Variants in CD74 observed in about 807,000 individuals in gnomAD.
CD74 encodes the protein CD74 molecule.
CD74 carries 20 observed loss-of-function variants against 37.1 expected under a neutral mutation model. That is an observed-to-expected ratio of 0.54 (90% CI 0.38 to 0.78). The LOEUF is 0.78. Ranked by LOEUF, CD74 falls within the 30% of genes least tolerant of loss-of-function variation. CD74 has a pLI of 0.00. For missense variants in CD74, 338 were observed against 389.5 expected (o/e 0.87, Z 1.11); for synonymous variants, 150 against 152.0 (o/e 0.99, Z 0.10).
Position 150,401,846 on chromosome 5 carries a change from G to A in CD74, c.*394C>T. On this transcript the variant is annotated 3_prime_UTR_variant, in exon 9 of 9. Coordinates refer to ENST00000009530, the MANE Select transcript of CD74 (RefSeq NM_001025159.3). ...GAAAAGCCAAGGCCAAAGGCTGGAG[G>A]GGAGAGGACAGTCAGCATGTCCAGC... 1.5e-6 allele frequency: 1 copy of A among 669,876 alleles called. No homozygotes were observed. The highest frequency in any genetic ancestry group is 2.2e-5 in the Admixed American group (1 of 46,052). The allele number at this position is 669,876 out of a possible 1,614,324, so 41.5% of individuals were successfully genotyped here.
chr5:150,412,695 C>A lies in CD74; in HGVS notation c.55G>T (p.Asp19Tyr). The A allele has an allele frequency of 6.2e-7, 1 of 1,614,106 alleles. No homozygotes were observed. Among genetic ancestry groups the A allele is most frequent in the South Asian group, 1.1e-5 (1 of 91,040 alleles). The change falls in exon 1 of 9, where the codon GAC becomes TAC. Residue 19 changes from aspartate (D) to tyrosine (Y), a missense_variant. By Grantham distance (160) the Asp-to-Tyr change is radical. Transcript: ENST00000009530. ...TTGTTGGAGATAAGGTCGCGCTGGT[C>A]ATCCATGACTGGCTTCTGATCTTCC... ...CREDQKPVMD[D>Y]QRDLISNNEQ...
At chr5:150,405,434 C>T (rs1210281148) in intron 4 of CD74, 1 of 1,237,322 alleles carries the variant, frequency 8.1e-7, no homozygotes, top group African/African-American at 1.6e-5. Context: ...CAACAAGCCC[C>T]AGTGTCCTCC....
chr5:150,412,838 T>G lies in CD74; in HGVS notation c.-89A>C. 1 of 1,585,260 alleles carries G rather than the reference T, an allele frequency of 6.3e-7. No homozygotes were observed. Among genetic ancestry groups the G allele is most frequent in the South Asian group, 1.1e-5 (1 of 89,098 alleles). On this transcript the variant is annotated 5_prime_UTR_variant, in exon 1 of 9. Transcript: ENST00000009530. ...ACAGAAGGCCACTCCGCCCACTTGG[T>G]AGATGTGGAAGTGAAAGCTACAAAG... is the stretch of plus-strand genomic sequence containing the variant.
At position 150,405,018 on chromosome 5, in the gene CD74, A is replaced by G. The variant is rs1367254280; in HGVS notation, c.537+67T>C. The G allele has an allele frequency of 2.4e-6, 3 of 1,238,376 alleles. No homozygotes were observed. The East Asian group carries it at 7.2e-5, about 30-fold the overall frequency. 76.7% of individuals were successfully genotyped at this position (1,238,376 alleles called of 1,614,324 possible). A position where few individuals can be genotyped will look rare whatever the true frequency, so the allele number is the denominator to read the frequency against. On this transcript the variant is annotated intron_variant, in intron 5 of 8. Transcript: ENST00000009530. Reference sequence around the variant, plus strand: ...GGCTTCCCCAGCCCACCCTCACCCCACCTCTCCTAGCCCTGCCCTAGACAC... The same window carrying G: ...GGCTTCCCCAGCCCACCCTCACCCCGCCTCTCCTAGCCCTGCCCTAGACAC...
chr5:150,409,704 C>CAAAAAAAAAAAAAAA (rs755621804), intron 1 of CD74, among the ~76,000 whole-genome samples: 13 of 89,374 alleles, frequency 1.5e-4, no homozygotes, highest in South Asian at 7.4e-4. Flanking sequence ...AAAAACATAA[C>CAAAAAAAAAAAAAAA]AAAAAAAAAA....
At chr5:150,405,272 TCTGAGG>T in intron 4 of CD74, 92 bp from the exon 5 acceptor site, 1 of 1,491,240 alleles carries the variant, frequency 6.7e-7, no homozygotes. Flanking sequence ...GGTCTTCCAT[TCTGAGG>T]AATGGACCAG....
Position 150,403,154 on chromosome 5 carries a change from T to A in CD74, c.784A>T (p.Asn262Tyr). 1 of 1,614,014 alleles carries A rather than the reference T, an allele frequency of 6.2e-7. No homozygotes were observed. The highest frequency in any genetic ancestry group is 8.5e-7 in the Non-Finnish European group (1 of 1,179,886). ...CVFPNGTEVP[N>Y]TRSRGHHNCS... is the part of the protein sequence containing the mutation. ...TTATGGTGCCCGCGGCTTCTGGTGTTGGGGACCTCCGTGCCGTTGGGGAAG... is the reference window on the plus strand; with the variant it reads ...TTATGGTGCCCGCGGCTTCTGGTGTAGGGGACCTCCGTGCCGTTGGGGAAG... Residue 262 changes from asparagine (N) to tyrosine (Y), a missense_variant, in exon 7 of 9, where the codon AAC becomes TAC. Transcript: ENST00000009530. This position sits in a 1 kb window ranked among gnomAD's most constrained non-coding sequence, Gnocchi z 4.5.
intron 4 of CD74, chr5:150,405,708 GAAA>G (rs1190392969): frequency 6.3e-6 from 1 of 157,522 alleles, no homozygotes; most frequent in African/African-American, 2.4e-5. Context: ...AATTTGGGGA[GAAA>G]AAAAGGGTGT....
Position 150,407,925 on chromosome 5 carries a change from T to C in CD74, c.126-601A>G, listed in dbSNP as rs1770082749. ...ACCCGCCACCACGCCTGGCTAATTA[T>C]TTTGTATTTTTGATAGAGACGGGGT... is the stretch of plus-strand genomic sequence containing the variant. On this transcript the variant is annotated intron_variant, in intron 1 of 8. Coordinates refer to ENST00000009530, the MANE Select transcript of CD74 (RefSeq NM_001025159.3). The surrounding 1 kb of genome is among the most constrained non-coding windows in gnomAD (Gnocchi z 4.4). Among the ~76,000 whole-genome samples, 1 of 151,994 alleles carries C rather than the reference T, an allele frequency of 6.6e-6. No individual in the cohort carries two copies. Among genetic ancestry groups the C allele is most frequent in the Admixed American group, 6.6e-5 (1 of 15,260 alleles).
At chr5:150,406,850 G>A in intron 3 of CD74, 31 bp downstream of exon 3, 9 of 1,401,606 alleles carry the variant, frequency 6.4e-6, no homozygotes, top group Non-Finnish European at 8.6e-6. Flanking sequence ...GGATAACCTT[G>A]CCCCTCCCAC....
chr5:150,405,338 G>A (rs1769894120), intron 4 of CD74, 158 bp from the exon 5 acceptor site: 1 of 1,363,994 alleles, frequency 7.3e-7, no homozygotes, highest in Admixed American at 3.6e-5. Flanking sequence ...GGAGGGGAGG[G>A]GAGGGTACGG....
At chr5:150,405,247 A>G in intron 4 of CD74, 67 bp from the exon 5 acceptor site, 2 of 1,521,388 alleles carry the variant, frequency 1.3e-6, no homozygotes, top group Non-Finnish European at 1.8e-6. Context: ...TGAAATGTGT[A>G]GCCCACGTTC....
Position 150,407,511 on chromosome 5 carries a change from C to T in CD74, c.126-187G>A, listed in dbSNP as rs890287236. On this transcript the variant is annotated intron_variant, in intron 1 of 8. Transcript: ENST00000009530. This position sits in a 1 kb window ranked among gnomAD's most constrained non-coding sequence, Gnocchi z 4.4. ...AACACAGCTTGAAGACCTCACCCCACCCCTCCTTCCAACCATCGATGTGCC... is the reference window on the plus strand; with the variant it reads ...AACACAGCTTGAAGACCTCACCCCATCCCTCCTTCCAACCATCGATGTGCC... Among the ~76,000 whole-genome samples, 1 of 152,172 alleles carries T rather than the reference C, an allele frequency of 6.6e-6. No individual in the cohort carries two copies. The highest frequency in any genetic ancestry group is 1.5e-5 in the Non-Finnish European group (1 of 68,020).
At position 150,403,174 on chromosome 5, in the gene CD74, G is replaced by C. The variant is rs1181052770; in HGVS notation, c.764C>G (p.Pro255Arg). The stretch of plus-strand genomic sequence containing the variant: ...GGTGTTGGGGACCTCCGTGCCGTTG[G>C]GGAAGACACACCAGCAGTAGCCGAT... The part of the protein sequence containing the change: ...GSIGYCWCVF[P>R]NGTEVPNTRS... The change falls in exon 7 of 9, where the codon CCC becomes CGC. Residue 255 changes from proline to arginine, a missense_variant. Physicochemically the swap from Pro to Arg is moderately radical, Grantham distance 103. Transcript: ENST00000009530. This position sits in a 1 kb window ranked among gnomAD's most constrained non-coding sequence, Gnocchi z 4.5. 3 of 1,614,048 alleles carry C rather than the reference G, an allele frequency of 1.9e-6. No homozygotes were observed. In the East Asian group the frequency reaches 6.7e-5, roughly 36 times the overall value.
intron 5 of CD74, 119 bp downstream of exon 5, chr5:150,404,966 G>T: frequency 9.6e-7 from 1 of 1,038,100 alleles, no homozygotes; most frequent in South Asian, 1.3e-5. Context: ...TGGAAGTGCT[G>T]GTAAACCCCT....
At chr5:150,406,722 A>T (rs1359966553) in intron 3 of CD74, 159 bp downstream of exon 3, 6 of 594,186 alleles carry the variant, frequency 1.0e-5, no homozygotes, top group Non-Finnish European at 1.8e-5. Flanking sequence ...TGCCCTCCAC[A>T]CCTGGGGAGC....
chr5:150,407,121 GGGGGGTATCAGGATGTA>G lies in CD74; in HGVS notation c.298+14_298+30del, dbSNP rs538603918. 227 of 1,600,502 alleles carry G rather than the reference GGGGGGTATCAGGATGTA, an allele frequency of 1.4e-4. 1 individual carries two copies. The East Asian group carries it at 4.0e-3, about 28-fold the overall frequency. ...TCTGAGTTGAGGGATGGTGGGAGGT[GGGGGGTATCAGGATGTA>G]GGGGTGCACGCACGCTTGGGAAGCT... On this transcript the variant is annotated intron_variant, in intron 2 of 8. Coordinates refer to ENST00000009530, the MANE Select transcript of CD74 (RefSeq NM_001025159.3). This position sits in a 1 kb window ranked among gnomAD's most constrained non-coding sequence, Gnocchi z 4.4.
In CD74 at chr5:150,402,496, C is replaced by G. The variant is rs2151166948; in HGVS notation, c.880+67G>C. 7.3e-7 allele frequency: 1 copy of G among 1,360,624 alleles called. No homozygotes were observed. The highest frequency in any genetic ancestry group is 1.1e-6 in the Non-Finnish European group (1 of 948,380). The allele number at this position is 1,360,624 out of a possible 1,614,324, so 84.3% of individuals were successfully genotyped here. On this transcript the variant is annotated intron_variant, in intron 8 of 8. Transcript: ENST00000009530. This position sits in a 1 kb window ranked among gnomAD's most constrained non-coding sequence, Gnocchi z 4.2. ...CCAGCGTCACACTCCTTCACCTGCC[C>G]ACAAAGGAGCTGGCCCTGCTGGGGA... is the stretch of plus-strand genomic sequence containing the variant.
At position 150,402,438 on chromosome 5, in the gene CD74, G is replaced by A. The variant is rs545391467; in HGVS notation, c.880+125C>T. 19 of 967,472 alleles carry A rather than the reference G, an allele frequency of 2.0e-5. No homozygotes were observed. The Admixed American group carries it at 2.8e-4, about 14-fold the overall frequency. 59.9% of individuals were successfully genotyped at this position (967,472 alleles called of 1,614,324 possible). On this transcript the variant is annotated intron_variant, in intron 8 of 8. Transcript: ENST00000009530. This position sits in a 1 kb window ranked among gnomAD's most constrained non-coding sequence, Gnocchi z 4.2. ...CCCCCAACCCTGTTCCTTCGTCTGT[G>A]AAATGGACATCCCAGGAATGTTGGA...
Sources: gnomAD v4.1 joint callset for allele counts (sites outside exome capture counted in the v4.1 genomes callset) on GRCh38, gnomAD v4.1.1 for gene constraint, Gnocchi (gnomAD v3.1) non-coding constraint, MANE v1.5 for transcripts, NCBI Gene and HGNC (gene_info 2026-07-23, HGNC 2026-07-21) for gene names.